AP3B2: variants seen among roughly 807,000 people sequenced by gnomAD.
AP3B2 encodes adaptor related protein complex 3 subunit beta 2.
In AP3B2, 50 loss-of-function variants were observed where a neutral mutation model predicts 126.9. That is an observed-to-expected ratio of 0.39 (90% CI 0.31 to 0.50). The LOEUF is 0.50. Among genes scored for constraint, AP3B2 ranks in the 20% least tolerant of loss-of-function variants. The pLI, the probability that AP3B2 is intolerant of heterozygous loss-of-function variation, is 0.79. For synonymous variants in AP3B2, 541 were observed against 565.0 expected, an observed-to-expected ratio of 0.96 and a Z score of 0.60; for missense variants, 1,177 against 1,426.4, an observed-to-expected ratio of 0.83 and a Z score of 2.82.
In AP3B2 at chr15:82,664,417, G is replaced by A. The variant is rs777749271; in HGVS notation, c.2211C>T (p.Ser737=). The A allele has an allele frequency of 1.7e-5, 27 of 1,613,646 alleles. No homozygotes were observed. The highest frequency in any genetic ancestry group is 4.4e-5 in the South Asian group (4 of 91,078). ...CATCCTCATCCTGGTCTTCATTGTCGGACTCACTGCTGGACTCCCCAGAGC... is the reference window on the plus strand; with the variant it reads ...CATCCTCATCCTGGTCTTCATTGTCAGACTCACTGCTGGACTCCCCAGAGC... ...ESGSGESSSE[S]DNEDQDEDEE... is the part of the protein sequence containing the mutation. The change falls in exon 19 of 27, where the codon TCC becomes TCT. Residue 737 remains serine, a synonymous_variant. Transcript: ENST00000535359. This position sits in a 1 kb window ranked among gnomAD's most constrained non-coding sequence, Gnocchi z 4.5.
intron 1 of AP3B2, among the ~76,000 whole-genome samples, chr15:82,696,535 G>A (rs1016554563): frequency 6.6e-6 from 1 of 152,118 alleles, no homozygotes; most frequent in African/African-American, 2.4e-5. Context: ...CCGAGATCGC[G>A]CCACTGCACT....
At position 82,699,815 on chromosome 15, in the gene AP3B2, C is replaced by T. The variant is rs959093604; in HGVS notation, c.113+9779G>A. On this transcript the variant is annotated intron_variant, in intron 1 of 26. Transcript: ENST00000535359. Reference sequence around the variant, plus strand: ...GGGCTAGCAGCCTCTTGATCAGCTCCGCAGGCCCCTCTGACCCCAGGCCTC... The same window carrying T: ...GGGCTAGCAGCCTCTTGATCAGCTCTGCAGGCCCCTCTGACCCCAGGCCTC... 3.6e-4 allele frequency: 142 copies of T among 399,456 alleles called. No individual in the cohort carries two copies. In the East Asian group the frequency reaches 4.9e-3, roughly 14 times the overall value. 24.7% of individuals were successfully genotyped at this position (399,456 alleles called of 1,614,324 possible).
intron 4 of AP3B2, among the ~76,000 whole-genome samples, chr15:82,684,556 T>G (rs2048395518): frequency 1.3e-5 from 2 of 152,214 alleles, no homozygotes; most frequent in Non-Finnish European, 2.9e-5. Flanking sequence ...AATAATCCTG[T>G]CTTGCTTTCT....
Position 82,680,065 on chromosome 15 carries a change from T to C in AP3B2, c.1110+110A>G. The C allele has an allele frequency of 6.9e-7, 1 of 1,441,052 alleles. No homozygotes were observed. The highest frequency in any genetic ancestry group is 1.9e-5 in the Admixed American group (1 of 51,760). The allele number at this position is 1,441,052 out of a possible 1,614,324, so 89.3% of individuals were successfully genotyped here. On this transcript the variant is annotated intron_variant, in intron 9 of 26. Coordinates refer to ENST00000535359, the MANE Select transcript of AP3B2 (RefSeq NM_001278512.2). This position sits in a 1 kb window ranked among gnomAD's most constrained non-coding sequence, Gnocchi z 6.1. ...TGCCCCATCCTCTGCACAGCCAGGG[T>C]ATTCCTCCATCTTCCCTTTCCCCGG...
chr15:82,662,788 G>A lies in AP3B2; in HGVS notation c.2739C>T (p.His913=). ...GDPHMVSVHI[H]FSNSSDTPIK... ...TGGGGGTATCAGAGCTGTTGGAGAA[G>A]TGGATGTGCACGGACACCATGTGGG... is the stretch of plus-strand genomic sequence containing the variant. Residue 913 remains histidine, a synonymous_variant, in exon 23 of 27, where the codon CAC becomes CAT. Coordinates refer to ENST00000535359, the MANE Select transcript of AP3B2 (RefSeq NM_001278512.2). 6.2e-7 allele frequency: 1 copy of A among 1,613,886 alleles called. No individual in the cohort carries two copies. Among genetic ancestry groups the A allele is most frequent in the Admixed American group, 1.7e-5 (1 of 60,010 alleles).
At chr15:82,666,714 C>G in intron 15 of AP3B2, 33 bp downstream of exon 15, 8 of 1,604,436 alleles carry the variant, frequency 5.0e-6, no homozygotes, top group Non-Finnish European at 6.8e-6. Flanking sequence ...TTTCCATTCC[C>G]CTAGGAAGGT....
At chr15:82,660,949 C>T (rs1596164551) in intron 25 of AP3B2, among the ~76,000 whole-genome samples, 1 of 152,186 alleles carries the variant, frequency 6.6e-6, no homozygotes, top group African/African-American at 2.4e-5. Flanking sequence ...TCTGTCCCTC[C>T]TTTAGCAATG....
chr15:82,691,459 C>G (rs1264389914), intron 1 of AP3B2, among the ~76,000 whole-genome samples: 1 of 152,070 alleles, frequency 6.6e-6, no homozygotes, highest in Non-Finnish European at 1.5e-5. Context: ...GAGCAACCCA[C>G]AAAGACGGAA....
rs1157974151 is a variant in AP3B2, at chr15:82,680,596, G to T, written c.931C>A (p.Pro311Thr). The stretch of plus-strand genomic sequence containing the variant: ...GCGGCGCTGCGGCTCTGCAGCAGGG[G>T]TTTGGTGTTGCGCAGCAGCAGCCGG... ...DHRLLLRNTK[P>T]LLQSRSAAVV... The change falls in exon 8 of 27, where the codon CCC becomes ACC. Residue 311 changes from proline (P) to threonine (T), a missense_variant. This residue lies in a region of AP3B2 where 308 missense variants were observed against 452.4 expected (regional missense o/e 0.68). Transcript: ENST00000535359. The surrounding 1 kb of genome is among the most constrained non-coding windows in gnomAD (Gnocchi z 6.1). 3 of 1,595,372 alleles carry T rather than the reference G, an allele frequency of 1.9e-6. No individual in the cohort carries two copies. Among genetic ancestry groups the T allele is most frequent in the Non-Finnish European group, 2.5e-6 (3 of 1,177,372 alleles).
intron 14 of AP3B2, among the ~76,000 whole-genome samples, chr15:82,667,568 C>T (rs891512041): frequency 6.6e-6 from 1 of 152,236 alleles, no homozygotes; most frequent in Non-Finnish European, 1.5e-5. Context: ...GAAGCTACAA[C>T]TGCAGACCTA....
chr15:82,703,823 T>G (rs1175218454), intron 1 of AP3B2, among the ~76,000 whole-genome samples: 1 of 152,078 alleles, frequency 6.6e-6, no homozygotes, highest in Non-Finnish European at 1.5e-5. Flanking sequence ...GCTGCGTCTT[T>G]TCAATCTTCC....
chr15:82,667,485 A>C (rs1394721346), intron 14 of AP3B2, among the ~76,000 whole-genome samples: 1 of 152,202 alleles, frequency 6.6e-6, no homozygotes, highest in African/African-American at 2.4e-5. Flanking sequence ...GGAAGCTTCT[A>C]ATGACATCAG....
rs1596168557 is a variant in AP3B2 at position 82,664,979 on chromosome 15, A to G, written c.2029-36T>C. 2 of 1,493,220 alleles carry G rather than the reference A, an allele frequency of 1.3e-6. No homozygotes were observed. The highest frequency in any genetic ancestry group is 1.8e-6 in the Non-Finnish European group (2 of 1,084,964). The allele number at this position is 1,493,220 out of a possible 1,614,324, so 92.5% of individuals were successfully genotyped here. On this transcript the variant is annotated intron_variant, in intron 17 of 26. Coordinates refer to ENST00000535359, the MANE Select transcript of AP3B2 (RefSeq NM_001278512.2). This position sits in a 1 kb window ranked among gnomAD's most constrained non-coding sequence, Gnocchi z 4.5. ...GGGTAGGGTGCAGGGTCATTTCATC[A>G]TGGTTGGGGAGAAGGCAGGCAGGCA... is the stretch of plus-strand genomic sequence containing the variant.
chr15:82,681,139 A>G lies in AP3B2; in HGVS notation c.561T>C (p.Ile187=). ...TGGTCTTGTCAGCCAGAAGCTTCTCAATGACTTCTATCAGCTGATCCTTCT... is the reference window on the plus strand; with the variant it reads ...TGGTCTTGTCAGCCAGAAGCTTCTCGATGACTTCTATCAGCTGATCCTTCT... The part of the protein sequence containing the change: ...SDQKDQLIEV[I]EKLLADKTTL... The change falls in exon 6 of 27, where the codon ATT becomes ATC. Residue 187 remains isoleucine, a synonymous_variant. Coordinates refer to ENST00000535359, the MANE Select transcript of AP3B2 (RefSeq NM_001278512.2). This position sits in a 1 kb window ranked among gnomAD's most constrained non-coding sequence, Gnocchi z 4.0. 6.2e-7 allele frequency: 1 copy of G among 1,613,208 alleles called. No homozygotes were observed.
chr15:82,686,474 A>T (rs1031926553), intron 4 of AP3B2: 3 of 152,354 alleles, frequency 2.0e-5, no homozygotes, highest in African/African-American at 7.2e-5. Flanking sequence ...TTGCTTAACA[A>T]TATGCAAATT....
At chr15:82,709,493 G>C (rs1567279971) in intron 1 of AP3B2, 101 bp downstream of exon 1, 1 of 786,018 alleles carries the variant, frequency 1.3e-6, no homozygotes, top group Admixed American at 5.5e-5. Flanking sequence ...CGCGGCCGGG[G>C]CGGGGCCGGC....
intron 1 of AP3B2, among the ~76,000 whole-genome samples, chr15:82,707,343 C>T (rs552030373): frequency 6.6e-6 from 1 of 152,352 alleles, no homozygotes; most frequent in South Asian, 2.1e-4. Flanking sequence ...CCTCGGAATG[C>T]TGCAGGGTAC....
intron 1 of AP3B2, among the ~76,000 whole-genome samples, chr15:82,704,243 C>G (rs1032596348): frequency 6.6e-6 from 1 of 152,202 alleles, no homozygotes; most frequent in African/African-American, 2.4e-5. Flanking sequence ...CAGTCTTATT[C>G]TCAATATACA....
chr15:82,680,208 G>A lies in AP3B2; in HGVS notation c.1077C>T (p.Leu359=). 6.2e-7 allele frequency: 1 copy of A among 1,613,600 alleles called. No individual in the cohort carries two copies. The highest frequency in any genetic ancestry group is 8.5e-7 in the Non-Finnish European group (1 of 1,179,792). Reference sequence around the variant, plus strand: ...TGATGGACATGGTGGCCACGTTCTGGAGCACAACGTACTGCACCTCACTGC... The same window carrying A: ...TGATGGACATGGTGGCCACGTTCTGAAGCACAACGTACTGCACCTCACTGC... ...RSHSEVQYVV[L]QNVATMSIKR... is the part of the protein sequence containing the mutation. Residue 359 remains leucine (L), a synonymous_variant, in exon 9 of 27, where the codon CTC becomes CTT. Coordinates refer to ENST00000535359, the MANE Select transcript of AP3B2 (RefSeq NM_001278512.2). The surrounding 1 kb of genome is among the most constrained non-coding windows in gnomAD (Gnocchi z 6.1).
Sources: gnomAD v4.1 joint callset for allele counts (sites outside exome capture counted in the v4.1 genomes callset) on GRCh38, gnomAD v4.1.1 for gene constraint, gnomAD v4.1.1 regional missense constraint, Gnocchi (gnomAD v3.1) non-coding constraint, MANE v1.5 for transcripts, NCBI Gene and HGNC (gene_info 2026-07-23, HGNC 2026-07-21) for gene names.